The following KCNT1 variants were observed in gnomAD, a reference collection of about 807,000 sequenced individuals.
KCNT1 encodes potassium channel subfamily T member 1.
In KCNT1, 78 loss-of-function variants were observed where a neutral mutation model predicts 147.8. The ratio of observed to expected loss-of-function variants is 0.53; its 90% CI spans 0.44 to 0.64. KCNT1 has a LOEUF of 0.64. Ranked by LOEUF, KCNT1 falls within the 30% of genes least tolerant of loss-of-function variation. KCNT1 has a pLI of 0.00. For synonymous variants in KCNT1, 867 were observed against 748.8 expected (o/e 1.16, Z -2.58); for missense variants, 1,419 against 1,750.3 (o/e 0.81, Z 3.38).
intron 11 of KCNT1, 23 bp from the exon 12 acceptor site, chr9:135,765,008 G>A (rs770420529): frequency 2.5e-6 from 4 of 1,595,220 alleles, no homozygotes; most frequent in Admixed American, 3.4e-5. Context: ...GGTCGCTGGT[G>A]CTCACCTGTT....
At chr9:135,746,880 G>C (rs949050672) in intron 2 of KCNT1, among the ~76,000 whole-genome samples, 1 of 152,174 alleles carries the variant, frequency 6.6e-6, no homozygotes, top group South Asian at 2.1e-4. Flanking sequence ...TGAGGGCAGA[G>C]CTGCAGGACC....
At chr9:135,723,144 C>T (rs1327532270) in intron 2 of KCNT1, among the ~76,000 whole-genome samples, 4 of 152,228 alleles carry the variant, frequency 2.6e-5, no homozygotes, top group Non-Finnish European at 5.9e-5. Flanking sequence ...CAGTCAGTGA[C>T]GGGCGTGGCT....
intron 24 of KCNT1, among the ~76,000 whole-genome samples, chr9:135,780,758 T>C (rs1029089580): frequency 5.3e-5 from 8 of 152,202 alleles, no homozygotes; most frequent in Admixed American, 4.6e-4. Flanking sequence ...GGGTGTGCTC[T>C]GCAGCTGGAA....
intron 2 of KCNT1, among the ~76,000 whole-genome samples, chr9:135,737,828 G>A (rs1449642284): frequency 1.3e-5 from 2 of 152,178 alleles, no homozygotes; most frequent in Non-Finnish European, 2.9e-5. Context: ...AGCCCTGGGG[G>A]GGCACTGCCC....
intron 29 of KCNT1, 26 bp from the exon 30 acceptor site, chr9:135,791,771 C>T (rs377641706): frequency 3.4e-4 from 549 of 1,606,562 alleles, no homozygotes; most frequent in South Asian, 5.9e-4. Context: ...GGGGGGGTGA[C>T]GTCTGCCCGG....
chr9:135,766,465 C>T lies in KCNT1; in HGVS notation c.1337+705C>T, dbSNP rs141742176. Among the ~76,000 whole-genome samples, 583 of 151,280 alleles carry T rather than the reference C, an allele frequency of 3.9e-3. 8 individuals are homozygous for T. The highest frequency in any genetic ancestry group is 0.013 in the African/African-American group (541 of 41,178). ...GTCCTCTGGGGTAGATCATCAGGGG[C>T]GGACCGTCTGGGGTATACCCTCTGG... On this transcript the variant is annotated intron_variant, in intron 13 of 30. Transcript: ENST00000371757.
intron 24 of KCNT1, among the ~76,000 whole-genome samples, chr9:135,783,576 G>A (rs746163030): frequency 3.9e-5 from 6 of 152,140 alleles, no homozygotes; most frequent in African/African-American, 7.3e-5. Context: ...GCACAGGGAC[G>A]GGGAGGCCAA....
chr9:135,782,599 AAGCCC>A, intron 24 of KCNT1, among the ~76,000 whole-genome samples: 2 of 152,190 alleles, frequency 1.3e-5, no homozygotes, highest in East Asian at 3.8e-4. Context: ...GCCCCTGCTG[AAGCCC>A]TCCTGTCCAG....
At chr9:135,760,330 T>C (rs1831833567) in intron 11 of KCNT1, among the ~76,000 whole-genome samples, 1 of 151,906 alleles carries the variant, frequency 6.6e-6, no homozygotes, top group Non-Finnish European at 1.5e-5. Context: ...AAGACCTCAG[T>C]GGGAAAGGTG....
chr9:135,742,431 A>AC (rs924691519), intron 2 of KCNT1, among the ~76,000 whole-genome samples: 1 of 151,610 alleles, frequency 6.6e-6, no homozygotes, highest in Non-Finnish European at 1.5e-5. Context: ...TGTGGTTGTC[A>AC]CCCCCCCATC....
chr9:135,750,557 C>A (rs1052187153), intron 3 of KCNT1: 18 of 395,938 alleles, frequency 4.5e-5, no homozygotes, highest in Non-Finnish European at 8.0e-5. Flanking sequence ...CAGCTCCCTG[C>A]CCCGTTCCCA....
At chr9:135,737,356 G>T (rs917872954) in intron 2 of KCNT1, among the ~76,000 whole-genome samples, 4 of 152,176 alleles carry the variant, frequency 2.6e-5, no homozygotes, top group African/African-American at 9.7e-5. Context: ...TGGCTCTTCC[G>T]CAAGCTCAGG....
chr9:135,747,718 G>C, intron 2 of KCNT1, among the ~76,000 whole-genome samples: 1 of 152,094 alleles, frequency 6.6e-6, no homozygotes, highest in East Asian at 1.9e-4. Flanking sequence ...GGGCATGATG[G>C]GGCACTCTGG....
In KCNT1 at chr9:135,702,355, C is replaced by T; in HGVS notation, c.97C>T (p.Gln33Ter). Residue 33 changes from glutamine to a stop codon, truncating the protein, a stop_gained, in exon 1 of 31, where the codon CAA (glutamine) becomes TAA (stop). Transcript: ENST00000371757. LOFTEE classifies it high-confidence loss of function. Reference sequence around the variant, plus strand: ...CCGGACCTTCGAGTTTGACGACGGCCAATGCGCCCCCAGGTACAGTCTGCT... The same window carrying T: ...CCGGACCTTCGAGTTTGACGACGGCTAATGCGCCCCCAGGTACAGTCTGCT... Reference protein sequence around the residue: ...TNRTFEFDDGQCAPRRPCAGD... With the variant: ...TNRTFEFDDG 6.2e-7 allele frequency: 1 copy of T among 1,611,116 alleles called. No homozygotes were observed. Among genetic ancestry groups the T allele is most frequent in the Non-Finnish European group, 8.5e-7 (1 of 1,178,888 alleles).
Position 135,730,269 on chromosome 9 carries a change from C to T in KCNT1, c.254+15549C>T, listed in dbSNP as rs974798210. ...CATCAGGTGTGGACCCATGGAGTTCCGTGGACCTGCCGTGTGTGGTGGGCC... is the reference window on the plus strand; with the variant it reads ...CATCAGGTGTGGACCCATGGAGTTCTGTGGACCTGCCGTGTGTGGTGGGCC... On this transcript the variant is annotated intron_variant, in intron 2 of 30. Transcript: ENST00000371757. This position sits in a 1 kb window ranked among gnomAD's most constrained non-coding sequence, Gnocchi z 4.7. Among the ~76,000 whole-genome samples, 5 of 152,170 alleles carry T rather than the reference C, an allele frequency of 3.3e-5. No homozygotes were observed. The highest frequency in any genetic ancestry group is 2.1e-4 in the South Asian group (1 of 4,832).
chr9:135,732,034 AGAGAGAGG>A (rs1272892787), intron 2 of KCNT1, among the ~76,000 whole-genome samples: 4 of 135,546 alleles, frequency 3.0e-5, no homozygotes, highest in African/African-American at 8.1e-5. Context: ...AGAGAGAGAG[AGAGAGAGG>A]GAGTCTCACT....
At chr9:135,725,454 G>C (rs575828) in intron 2 of KCNT1, among the ~76,000 whole-genome samples, 67,065 of 152,138 alleles carry the variant, frequency 0.44, 14,887 homozygotes, top group East Asian at 0.62. Flanking sequence ...GCAGAGATCA[G>C]AGTGACGCTA....
At chr9:135,739,409 G>A (rs1830468616) in intron 2 of KCNT1, among the ~76,000 whole-genome samples, 2 of 151,192 alleles carry the variant, frequency 1.3e-5, no homozygotes, top group African/African-American at 2.4e-5. Flanking sequence ...TCGCCCTGAT[G>A]TTCCTTGGCT....
rs568676309 is a variant in KCNT1, at chr9:135,769,321, C to T, written c.1510+384C>T. Among the ~76,000 whole-genome samples the T allele has an allele frequency of 3.2e-3, 467 of 145,576 alleles. 3 individuals are homozygous for T. The highest frequency in any genetic ancestry group is 0.011 in the African/African-American group (436 of 38,476). On this transcript the variant is annotated intron_variant, in intron 15 of 30. Transcript: ENST00000371757. ...AGGGCGCGTGTGCACACGTGGGTGACGGTGTGTCTGGGGCAGGGCGCATGT... is the reference window on the plus strand; with the variant it reads ...AGGGCGCGTGTGCACACGTGGGTGATGGTGTGTCTGGGGCAGGGCGCATGT...
Sources: allele counts gnomAD v4.1 joint callset (sites outside exome capture counted in the v4.1 genomes callset), GRCh38; gene constraint gnomAD v4.1.1; non-coding constraint Gnocchi (gnomAD v3.1); transcripts MANE v1.5; gene names NCBI Gene and HGNC (gene_info 2026-07-23, HGNC 2026-07-21).